The following PABPN1L variants were observed in gnomAD, a reference collection of about 807,000 sequenced individuals.
PABPN1L encodes the protein PABPN1 like, cytoplasmic, also known as embryonic polyadenylate-binding protein 2.
Under a neutral mutation model 34.0 loss-of-function variants are expected in PABPN1L, and 45 were observed. That is an observed-to-expected ratio of 1.32 (90% CI 1.04 to 1.70). The LOEUF is 1.70. Ranked by LOEUF, PABPN1L falls within the 40% of genes most tolerant of loss-of-function variation. The probability of loss-of-function intolerance (pLI) is 0.00; values close to 1 mark genes in which losing one functional copy is unlikely to be tolerated. For synonymous variants in PABPN1L, 182 were observed against 152.1 expected (o/e 1.20, Z -1.45); for missense variants, 459 against 367.8 (o/e 1.25, Z -2.03).
upstream of PABPN1L, among the ~76,000 whole-genome samples, chr16:88,869,666 C>T (rs529348552): frequency 7.7e-4 from 117 of 152,394 alleles, no homozygotes; most frequent in African/African-American, 2.8e-3. Flanking sequence ...CGTGCCTCCA[C>T]CTCCCTGTCA....
chr16:88,866,799 G>A (rs919321452), upstream of PABPN1L: 5 of 747,860 alleles, frequency 6.7e-6, no homozygotes, highest in South Asian at 2.1e-5. Context: ...CCTGTCACTC[G>A]GACAGGTACC....
At chr16:88,865,180 G>A in intron 3 of PABPN1L, 52 bp from the exon 4 acceptor site, 3 of 1,530,496 alleles carry the variant, frequency 2.0e-6, no homozygotes, top group Non-Finnish European at 1.8e-6. Context: ...CCCTGACTCG[G>A]GGCCTTCTTG....
At chr16:88,865,518 G>A (rs1968569654) in intron 3 of PABPN1L, 45 bp downstream of exon 3, 1 of 1,586,930 alleles carries the variant, frequency 6.3e-7, no homozygotes, top group Non-Finnish European at 8.6e-7. Flanking sequence ...TGGTAGAGAT[G>A]GGGCCCCATT....
exon 7 of PABPN1L, chr16:88,863,637 G>A (rs1021175898): frequency 7.7e-7 from 1 of 1,294,100 alleles, no homozygotes; most frequent in African/African-American, 1.5e-5. Flanking sequence ...GGCTGCTCTG[G>A]ACACCCCTCT....
chr16:88,868,030 T>C (rs754371038), upstream of PABPN1L, among the ~76,000 whole-genome samples: 2 of 152,164 alleles, frequency 1.3e-5, no homozygotes, highest in Non-Finnish European at 2.9e-5. Context: ...GGGCGTGGCC[T>C]AGGCTGGAGC....
At chr16:88,863,702 GTGGTTTAC>G in exon 7 of PABPN1L, 2 of 1,526,170 alleles carry the variant, frequency 1.3e-6, no homozygotes, top group Middle Eastern at 1.7e-4. Context: ...TGGAGCACAA[GTGGTTTAC>G]TCCTGATCCA....
intron 6 of PABPN1L, among the ~76,000 whole-genome samples, 173 bp downstream of exon 6, chr16:88,864,064 G>A (rs1179062405): frequency 1.3e-5 from 2 of 151,260 alleles, no homozygotes; most frequent in Non-Finnish European, 2.9e-5. Flanking sequence ...CAGCAGAGAG[G>A]CTACAAAAAG....
chr16:88,869,628 C>T (rs1304430824), upstream of PABPN1L, among the ~76,000 whole-genome samples: 1 of 152,238 alleles, frequency 6.6e-6, no homozygotes, highest in South Asian at 2.1e-4. Flanking sequence ...TGTGTCTGTG[C>T]CTGTGTGTTG....
At chr16:88,869,388 C>T (rs1196277796), upstream of PABPN1L, among the ~76,000 whole-genome samples, 1 of 152,280 alleles carries the variant, frequency 6.6e-6, no homozygotes, top group Non-Finnish European at 1.5e-5. Context: ...CCCCTGCGAA[C>T]ACGGTGCCAC....
chr16:88,865,891 C>A, exon 2 of PABPN1L: 2 of 1,609,688 alleles, frequency 1.2e-6, no homozygotes, highest in Non-Finnish European at 1.7e-6. Flanking sequence ...GCCGTGGCGT[C>A]CCCTCGGCCT....
At chr16:88,864,431 C>A in intron 5 of PABPN1L, 52 bp from the exon 6 acceptor site, 1 of 1,511,348 alleles carries the variant, frequency 6.6e-7, no homozygotes, top group South Asian at 1.3e-5. Flanking sequence ...CGAGACCCAG[C>A]TCACAGCCCC....
At chr16:88,863,706 T>A (rs1463988331) in exon 7 of PABPN1L, 1 of 1,530,472 alleles carries the variant, frequency 6.5e-7, no homozygotes, top group African/African-American at 1.4e-5. Context: ...GCACAAGTGG[T>A]TTACTCCTGA....
At chr16:88,866,534 G>A (rs1209192766) in exon 1 of PABPN1L, 1 of 1,551,322 alleles carries the variant, frequency 6.4e-7, no homozygotes, top group Non-Finnish European at 8.7e-7. Flanking sequence ...TGGGCCTCAG[G>A]GTCTGAGGAG....
chr16:88,866,043 G>A, intron 1 of PABPN1L, 102 bp from the exon 2 acceptor site: 1 of 1,443,946 alleles, frequency 6.9e-7, no homozygotes, highest in Non-Finnish European at 9.1e-7. Context: ...ACAGCCCCAA[G>A]GGGCAGCCCT....
exon 7 of PABPN1L, chr16:88,863,673 C>G (rs1361473173): frequency 6.7e-7 from 1 of 1,493,198 alleles, no homozygotes; most frequent in African/African-American, 1.4e-5. Flanking sequence ...CCGCGCCACT[C>G]CCTGCCCCAG....
chr16:88,868,648 A>G (rs1347807914), upstream of PABPN1L, among the ~76,000 whole-genome samples: 1 of 152,120 alleles, frequency 6.6e-6, no homozygotes, highest in Non-Finnish European at 1.5e-5. Flanking sequence ...GGAGACTTTT[A>G]TACTTAAAGG....
intron 6 of PABPN1L, 136 bp from the exon 7 acceptor site, chr16:88,863,931 G>A (rs1168806983): frequency 3.1e-6 from 3 of 955,530 alleles, no homozygotes; most frequent in Non-Finnish European, 4.6e-6. Context: ...GGCCTTTCTG[G>A]TGACTCCCAG....
rs1433970313 is a variant in PABPN1L, at chr16:88,865,212, C to G, written c.460-84G>C. 5.6e-6 allele frequency: 8 copies of G among 1,419,376 alleles called. No homozygotes were observed. In the Admixed American group the frequency reaches 1.4e-4, roughly 25 times the overall value. The allele number at this position is 1,419,376 out of a possible 1,614,324, so 87.9% of individuals were successfully genotyped here. On this transcript the variant is annotated intron_variant, in intron 3 of 6. Coordinates refer to ENST00000419291, the Ensembl canonical transcript of PABPN1L. ...CTTGTTAGAGGTGAGGAAAGAAACC[C>G]CAAGGCTGGGCCCCGTGGCGGGGAT...
upstream of PABPN1L, among the ~76,000 whole-genome samples, chr16:88,867,518 C>G (rs1968627391): frequency 1.3e-5 from 2 of 152,008 alleles, no homozygotes; most frequent in African/African-American, 2.4e-5. Flanking sequence ...GGCGTGAGCA[C>G]CGCACCTGGT....
Sources: allele counts gnomAD v4.1 joint callset (sites outside exome capture counted in the v4.1 genomes callset), GRCh38; gene constraint gnomAD v4.1.1; transcripts MANE v1.5; gene names NCBI Gene and HGNC (gene_info 2026-07-23, HGNC 2026-07-21).